TWSG1: variants seen among roughly 807,000 people sequenced by gnomAD.
The protein encoded by TWSG1 is twisted gastrulation protein homolog 1.
TWSG1 carries 15 observed loss-of-function variants against 23.0 expected under a neutral mutation model. That is an observed-to-expected ratio of 0.65 (90% CI 0.44 to 1.00). The LOEUF is 1.00. TWSG1 is among the 50% of genes least tolerant of loss of function. The pLI, the probability that TWSG1 is intolerant of heterozygous loss-of-function variation, is 0.00. For missense variants in TWSG1, 242 were observed against 278.7 expected, an observed-to-expected ratio of 0.87 and a Z score of 0.94; for synonymous variants, 86 against 92.8, an observed-to-expected ratio of 0.93 and a Z score of 0.42.
intron 2 of TWSG1, among the ~76,000 whole-genome samples, chr18:9,345,277 G>T (rs985767023): frequency 1.3e-5 from 2 of 151,850 alleles, no homozygotes; most frequent in Non-Finnish European, 2.9e-5. Flanking sequence ...TTTGTTACTT[G>T]TGCTTTTGGT....
chr18:9,364,052 A>G (rs1323257418), intron 3 of TWSG1, among the ~76,000 whole-genome samples: 1 of 152,206 alleles, frequency 6.6e-6, no homozygotes, highest in African/African-American at 2.4e-5. Context: ...TACTCACTGT[A>G]TTTGGTTGTT....
At chr18:9,350,131 C>T (rs1306586268) in intron 2 of TWSG1, among the ~76,000 whole-genome samples, 2 of 151,606 alleles carry the variant, frequency 1.3e-5, no homozygotes. Context: ...CAGAGCGAGA[C>T]TCCATCTCAA....
At position 9,400,232 on chromosome 18, in the gene TWSG1, C is replaced by A. The variant is rs2040756579; in HGVS notation, c.*705C>A. 6.6e-6 allele frequency: 1 copy of A among 152,188 alleles called. No individual in the cohort carries two copies. The highest frequency in any genetic ancestry group is 2.4e-5 in the African/African-American group (1 of 41,448). The allele number at this position is 152,188 out of a possible 1,614,324, so 9.4% of individuals were successfully genotyped here. On this transcript the variant is annotated 3_prime_UTR_variant, in exon 5 of 5. Transcript: ENST00000262120. Reference sequence around the variant, plus strand: ...GCTGACATAGGCAGTGATGAAGAATCTTTACCAAGATTTTCAGGGTGTACC... The same window carrying A: ...GCTGACATAGGCAGTGATGAAGAATATTTACCAAGATTTTCAGGGTGTACC...
chr18:9,396,602 T>A, intron 4 of TWSG1, 56 bp downstream of exon 4: 2 of 1,572,052 alleles, frequency 1.3e-6, no homozygotes, highest in Non-Finnish European at 1.7e-6. Flanking sequence ...TCTGTCCATG[T>A]AATCTATAAA....
chr18:9,363,679 G>T (rs2040563490), intron 3 of TWSG1, among the ~76,000 whole-genome samples: 1 of 152,122 alleles, frequency 6.6e-6, no homozygotes, highest in Non-Finnish European at 1.5e-5. Flanking sequence ...AGGCTGGAGT[G>T]CACTGGTGCA....
intron 2 of TWSG1, among the ~76,000 whole-genome samples, chr18:9,356,661 C>T (rs1260860631): frequency 6.6e-6 from 1 of 152,030 alleles, no homozygotes; most frequent in East Asian, 1.9e-4. Context: ...CATTTCAAAT[C>T]CAAAAATCTG....
intron 2 of TWSG1, among the ~76,000 whole-genome samples, chr18:9,338,940 C>T (rs145944528): frequency 9.5e-4 from 144 of 152,278 alleles, no homozygotes; most frequent in African/African-American, 3.2e-3. Flanking sequence ...GCTCATGCCT[C>T]GTAATCCCAG....
intron 3 of TWSG1, among the ~76,000 whole-genome samples, chr18:9,364,398 G>T (rs377743563): frequency 4.4e-4 from 67 of 152,264 alleles, no homozygotes; most frequent in African/African-American, 1.3e-3. Flanking sequence ...AGTTCCGACG[G>T]TGAAAGTCTG....
At chr18:9,347,836 A>G (rs1007339464) in intron 2 of TWSG1, among the ~76,000 whole-genome samples, 2 of 151,204 alleles carry the variant, frequency 1.3e-5, no homozygotes, top group African/African-American at 2.4e-5. Context: ...TTTTTTTTGG[A>G]TGCATTATTT....
At chr18:9,342,154 G>T (rs927410452) in intron 2 of TWSG1, among the ~76,000 whole-genome samples, 4 of 152,170 alleles carry the variant, frequency 2.6e-5, no homozygotes, top group Non-Finnish European at 5.9e-5. Flanking sequence ...ATGGTTAAGC[G>T]TATGAACTCT....
intron 2 of TWSG1, among the ~76,000 whole-genome samples, chr18:9,358,378 A>G (rs941256160): frequency 2.0e-5 from 3 of 152,162 alleles, no homozygotes; most frequent in African/African-American, 7.2e-5. Flanking sequence ...TTGGAAGACA[A>G]TCTGATTGAC....
At chr18:9,383,760 G>A (rs1243634974) in intron 3 of TWSG1, among the ~76,000 whole-genome samples, 1 of 152,164 alleles carries the variant, frequency 6.6e-6, no homozygotes, top group Non-Finnish European at 1.5e-5. Flanking sequence ...GTAAAGTAGG[G>A]TGGATTTACA....
intron 3 of TWSG1, among the ~76,000 whole-genome samples, chr18:9,383,885 T>C (rs1479614299): frequency 6.6e-6 from 1 of 152,050 alleles, no homozygotes. Context: ...GAGATAGTGA[T>C]CCAGGTATTG....
At chr18:9,335,673 A>G (rs1449187700) in intron 1 of TWSG1, among the ~76,000 whole-genome samples, 1 of 152,224 alleles carries the variant, frequency 6.6e-6, no homozygotes, top group Non-Finnish European at 1.5e-5. Flanking sequence ...CGTTAGATAC[A>G]TTAGAAAATT....
At position 9,359,638 on chromosome 18, in the gene TWSG1, G is replaced by C. The variant is rs374714293; in HGVS notation, c.124-334G>C. Among the ~76,000 whole-genome samples, 65 of 152,276 alleles carry C rather than the reference G, an allele frequency of 4.3e-4. 1 individual carries two copies. In the South Asian group the frequency reaches 8.7e-3, roughly 20 times the overall value. On this transcript the variant is annotated intron_variant, in intron 2 of 4. Transcript: ENST00000262120. ...GGCTATTTGTTTAAATTTGGACAAC[G>C]AATATAATAGCTGAGAAGCAGGTTT...
At chr18:9,354,726 T>G (rs945121931) in intron 2 of TWSG1, among the ~76,000 whole-genome samples, 1 of 152,218 alleles carries the variant, frequency 6.6e-6, no homozygotes, top group Non-Finnish European at 1.5e-5. Flanking sequence ...AATGCTATTT[T>G]TTTAGATCAA....
chr18:9,401,621 T>C lies in TWSG1; in HGVS notation c.*2094T>C, dbSNP rs1432163438. The C allele has an allele frequency of 9.9e-5, 15 of 152,190 alleles. No individual in the cohort carries two copies. The highest frequency in any genetic ancestry group is 9.2e-4 in the Admixed American group (14 of 15,288). The allele number at this position is 152,190 out of a possible 1,614,324, so 9.4% of individuals were successfully genotyped here. A position where few individuals can be genotyped will look rare whatever the true frequency, so the allele number is the denominator to read the frequency against. Reference sequence around the variant, plus strand: ...ATGTAAAGATCTTTTGCCTTCAAATTTGGCTTATTTTTTCTGATTTATGAG... The same window carrying C: ...ATGTAAAGATCTTTTGCCTTCAAATCTGGCTTATTTTTTCTGATTTATGAG... On this transcript the variant is annotated 3_prime_UTR_variant, in exon 5 of 5. Coordinates refer to ENST00000262120, the MANE Select transcript of TWSG1 (RefSeq NM_020648.6).
At chr18:9,394,723 T>C (rs2145635366) in intron 3 of TWSG1, among the ~76,000 whole-genome samples, 1 of 152,292 alleles carries the variant, frequency 6.6e-6, no homozygotes, top group Admixed American at 6.5e-5. Flanking sequence ...TGCATTTGCT[T>C]CATTGCTCAA....
intron 3 of TWSG1, among the ~76,000 whole-genome samples, chr18:9,374,803 T>TA (rs1445893214): frequency 6.6e-6 from 1 of 152,166 alleles, no homozygotes; most frequent in African/African-American, 2.4e-5. Context: ...CAACAATGTA[T>TA]AAAAATTACA....
Sources: allele counts gnomAD v4.1 joint callset (sites outside exome capture counted in the v4.1 genomes callset), GRCh38; gene constraint gnomAD v4.1.1; transcripts MANE v1.5; gene names NCBI Gene and HGNC (gene_info 2026-07-23, HGNC 2026-07-21).